RGS6: variants seen among roughly 807,000 people sequenced by gnomAD.
RGS6 encodes regulator of G protein signaling 6.
RGS6 carries 30 observed loss-of-function variants against 78.5 expected under a neutral mutation model. The ratio of observed to expected loss-of-function variants is 0.38; its 90% CI spans 0.29 to 0.52. RGS6 has a LOEUF of 0.52. RGS6 is among the 20% of genes least tolerant of loss of function. The probability of loss-of-function intolerance (pLI) is 0.85; values close to 1 mark genes in which losing one functional copy is unlikely to be tolerated. For synonymous variants in RGS6, 206 were observed against 206.0 expected (o/e 1.00, Z 0.00); for missense variants, 495 against 609.7 (o/e 0.81, Z 1.98).
chr14:71,906,542 C>A, the RGS6 span, among the ~76,000 whole-genome samples: 3 of 152,202 alleles, frequency 2.0e-5, no homozygotes, highest in East Asian at 5.8e-4. Flanking sequence ...CTTAAAGCTT[C>A]ACACAAAAAC....
chr14:72,047,639 A>G (rs1350500517), intron 2 of RGS6, among the ~76,000 whole-genome samples: 2 of 152,216 alleles, frequency 1.3e-5, no homozygotes, highest in Non-Finnish European at 2.9e-5. Context: ...TACCTATCAG[A>G]TATGGCATTA....
chr14:71,994,642 G>A (rs1347027536), intron 2 of RGS6, among the ~76,000 whole-genome samples: 1 of 152,038 alleles, frequency 6.6e-6, no homozygotes, highest in Non-Finnish European at 1.5e-5. Flanking sequence ...CAAAAGTAGG[G>A]TGGACTCCTA....
At chr14:72,599,575 A>ATTTTTTTTTTT in the RGS6 span, among the ~76,000 whole-genome samples, 4 of 103,260 alleles carry the variant, frequency 3.9e-5, no homozygotes, top group African/African-American at 8.2e-5. Context: ...CGCCTGGCTA[A>ATTTTTTTTTTT]TTTTTTTTTT....
chr14:72,093,379 A>T (rs574159633), intron 2 of RGS6, among the ~76,000 whole-genome samples: 2 of 152,078 alleles, frequency 1.3e-5, no homozygotes, highest in African/African-American at 4.8e-5. Flanking sequence ...AGTAGCTGGG[A>T]CTAAAGGTGC....
intron 2 of RGS6, among the ~76,000 whole-genome samples, chr14:72,235,136 G>T (rs758863561): frequency 2.2e-4 from 33 of 152,104 alleles, no homozygotes; most frequent in Non-Finnish European, 3.8e-4. Flanking sequence ...CCATATTCTT[G>T]GCATCTGGAA....
intron 3 of RGS6, among the ~76,000 whole-genome samples, chr14:72,398,972 C>G (rs567890718): frequency 2.7e-4 from 41 of 151,902 alleles, no homozygotes; most frequent in Middle Eastern, 3.4e-3. Context: ...TTACTTCCAA[C>G]TATGTGGTCA....
chr14:72,619,193 T>C, the RGS6 span: 17 of 1,156,994 alleles, frequency 1.5e-5, no homozygotes, highest in Non-Finnish European at 2.1e-5. Flanking sequence ...TTCTTTTCCT[T>C]GCAGTTGGTC....
At chr14:72,392,213 G>A (rs956321843) in intron 3 of RGS6, among the ~76,000 whole-genome samples, 7 of 150,974 alleles carry the variant, frequency 4.6e-5, no homozygotes, top group Non-Finnish European at 1.0e-4. Flanking sequence ...TTTGTCACAA[G>A]GATTTGACCT....
At chr14:72,329,036 T>C (rs1230825532) in intron 2 of RGS6, among the ~76,000 whole-genome samples, 2 of 152,126 alleles carry the variant, frequency 1.3e-5, no homozygotes, top group Non-Finnish European at 2.9e-5. Flanking sequence ...CACACCTGGC[T>C]AATTTTTTAT....
At chr14:72,406,812 C>A (rs1241528326) in intron 3 of RGS6, among the ~76,000 whole-genome samples, 1 of 152,166 alleles carries the variant, frequency 6.6e-6, no homozygotes, top group African/African-American at 2.4e-5. Flanking sequence ...CACCTTTGGA[C>A]TCGGAGGGAA....
chr14:71,874,837 A>G, the RGS6 span, among the ~76,000 whole-genome samples: 2 of 152,076 alleles, frequency 1.3e-5, no homozygotes, highest in Non-Finnish European at 2.9e-5. Flanking sequence ...AATTTATTGA[A>G]AGTTTTTAGC....
intron 17 of RGS6, among the ~76,000 whole-genome samples, chr14:72,558,346 C>T (rs146903940): frequency 5.3e-5 from 8 of 152,232 alleles, no homozygotes; most frequent in African/African-American, 1.9e-4. Flanking sequence ...TCTGCTGTCC[C>T]CCAGTATGCC....
At chr14:72,463,927 G>A (rs1296659693) in intron 6 of RGS6, among the ~76,000 whole-genome samples, 1 of 152,112 alleles carries the variant, frequency 6.6e-6, no homozygotes, top group Non-Finnish European at 1.5e-5. Context: ...TTTTTAAAAC[G>A]ACATATGCAC....
chr14:72,599,729 C>G, the RGS6 span, among the ~76,000 whole-genome samples: 1 of 151,800 alleles, frequency 6.6e-6, no homozygotes, highest in African/African-American at 2.4e-5. Context: ...TGGCCAGAGT[C>G]TGCAATTTCA....
At chr14:72,266,212 G>C (rs1018243638) in intron 2 of RGS6, among the ~76,000 whole-genome samples, 1 of 152,136 alleles carries the variant, frequency 6.6e-6, no homozygotes, top group East Asian at 1.9e-4. Context: ...CATGCCTGGC[G>C]CCTTGGTGGG....
the RGS6 span, among the ~76,000 whole-genome samples, chr14:71,920,189 A>G: frequency 6.6e-6 from 1 of 152,174 alleles, no homozygotes; most frequent in Admixed American, 6.5e-5. Context: ...TTAATTACCC[A>G]TAGGACTGAG....
chr14:72,259,772 G>A (rs1014577251), intron 2 of RGS6, among the ~76,000 whole-genome samples: 2 of 152,016 alleles, frequency 1.3e-5, no homozygotes, highest in African/African-American at 4.8e-5. Context: ...TTAGCCAGGC[G>A]CGGTGGCAGG....
At chr14:71,952,977 G>A (rs764236528) in intron 1 of RGS6, among the ~76,000 whole-genome samples, 1 of 152,088 alleles carries the variant, frequency 6.6e-6, no homozygotes, top group Admixed American at 6.6e-5. Context: ...AATTGGCAAC[G>A]CTTCTCTGTC....
downstream of RGS6, among the ~76,000 whole-genome samples, chr14:72,567,432 C>T (rs1026861921): frequency 2.0e-5 from 3 of 152,208 alleles, no homozygotes; most frequent in East Asian, 1.9e-4. Flanking sequence ...CTTTGCTTAT[C>T]GGGCTGTTGC....
Sources: allele counts gnomAD v4.1 joint callset (sites outside exome capture counted in the v4.1 genomes callset), GRCh38; gene constraint gnomAD v4.1.1; transcripts MANE v1.5; gene names NCBI Gene and HGNC (gene_info 2026-07-23, HGNC 2026-07-21).